Variants in FAM135A observed in about 807,000 individuals in gnomAD.
FAM135A encodes family with sequence similarity 135 member A, also known as protein FAM135A.
FAM135A carries 79 observed loss-of-function variants against 146.8 expected under a neutral mutation model. That is an observed-to-expected ratio of 0.54 (90% confidence interval 0.45 to 0.65). The LOEUF is 0.65. FAM135A is among the 30% of genes least tolerant of loss of function. The pLI, the probability that FAM135A is intolerant of heterozygous loss-of-function variation, is 0.00. For missense variants in FAM135A, 1,623 were observed against 1,758.2 expected, an observed-to-expected ratio of 0.92 and a Z score of 1.38; for synonymous variants, 562 against 603.6, an observed-to-expected ratio of 0.93 and a Z score of 1.01.
chr6:70,554,636 T>G (rs1800477979), intron 20 of FAM135A, among the ~76,000 whole-genome samples: 1 of 152,006 alleles, frequency 6.6e-6, no homozygotes, highest in South Asian at 2.1e-4. Flanking sequence ...TTTTTTTGGT[T>G]TTTGTTTTTT....
At position 70,526,076 on chromosome 6, in the gene FAM135A, AAAAAT is replaced by A; in HGVS notation, c.2994_2998del (p.Asn999Ter). The A allele has an allele frequency of 6.2e-7, 1 of 1,612,772 alleles. No individual in the cohort carries two copies. The highest frequency in any genetic ancestry group is 1.7e-4 in the Middle Eastern group (1 of 6,054). On this transcript the variant is annotated frameshift_variant, in exon 15 of 22. Transcript: ENST00000418814. LOFTEE classifies it high-confidence loss of function. ...TGTTAGTGAAGATAGAACTATGAAA[AAAAAT>A]AGTGATGTATTAAATCTCACACAGA...
intron 2 of FAM135A, among the ~76,000 whole-genome samples, chr6:70,421,105 C>T (rs1235812158): frequency 6.6e-6 from 1 of 152,050 alleles, no homozygotes; most frequent in African/African-American, 2.4e-5. Context: ...TGGTCTCGAA[C>T]TCCTGAGAGC....
rs778815353 is a variant in FAM135A, at chr6:70,533,143, C to T, written c.3776-17C>T. 6.3e-7 allele frequency: 1 copy of T among 1,592,460 alleles called. No individual in the cohort carries two copies. Among genetic ancestry groups the T allele is most frequent in the Non-Finnish European group, 8.6e-7 (1 of 1,161,280 alleles). ...TTACTTTATCTCATCCTTTAAACAT[C>T]ATTTTTCATTTTTTAGGAAACAGTG... On this transcript the variant is annotated splice_polypyrimidine_tract_variant and intron_variant, in intron 16 of 21. Coordinates refer to ENST00000418814, the MANE Select transcript of FAM135A (RefSeq NM_001162529.3).
chr6:70,448,574 C>A (rs1262958469), intron 4 of FAM135A, among the ~76,000 whole-genome samples: 1 of 152,104 alleles, frequency 6.6e-6, no homozygotes, highest in Non-Finnish European at 1.5e-5. Context: ...TCAGTGCTAA[C>A]CCAGTGGTGC....
chr6:70,450,473 T>C (rs907092975), intron 4 of FAM135A, among the ~76,000 whole-genome samples: 6 of 152,044 alleles, frequency 3.9e-5, no homozygotes, highest in Non-Finnish European at 8.8e-5. Flanking sequence ...CTAATTTCAG[T>C]CTTCTGCCTG....
intron 13 of FAM135A, 21 bp from the exon 14 acceptor site, chr6:70,523,946 G>C (rs1794160411): frequency 6.3e-7 from 1 of 1,591,092 alleles, no homozygotes. Context: ...ATTACAATCT[G>C]ACTGAAGAAA....
chr6:70,428,657 G>A (rs543797897), intron 4 of FAM135A, among the ~76,000 whole-genome samples: 7 of 151,968 alleles, frequency 4.6e-5, no homozygotes, highest in Non-Finnish European at 1.0e-4. Context: ...AGCCTTGAGA[G>A]GACTTTACTG....
intron 16 of FAM135A, among the ~76,000 whole-genome samples, chr6:70,532,089 G>T (rs1014905855): frequency 2.6e-5 from 4 of 151,388 alleles, no homozygotes; most frequent in African/African-American, 9.7e-5. Context: ...TGTTAGCCAG[G>T]CTGGTCTTGA....
intron 16 of FAM135A, 151 bp downstream of exon 16, chr6:70,528,603 T>G: frequency 1.6e-6 from 1 of 645,064 alleles, no homozygotes; most frequent in Non-Finnish European, 2.3e-6. Flanking sequence ...AACAGAAATA[T>G]GCTTAATTTT....
chr6:70,514,161 G>T (rs912274928), intron 12 of FAM135A, among the ~76,000 whole-genome samples: 3 of 151,570 alleles, frequency 2.0e-5, no homozygotes, highest in Non-Finnish European at 4.4e-5. Context: ...TATATCATTT[G>T]ATACTCTTGT....
intron 12 of FAM135A, among the ~76,000 whole-genome samples, chr6:70,511,470 C>T (rs1790994949): frequency 6.6e-6 from 1 of 151,786 alleles, no homozygotes; most frequent in African/African-American, 2.4e-5. Flanking sequence ...TGGAAAAAAT[C>T]CACATGGTAA....
At position 70,442,166 on chromosome 6, in the gene FAM135A, T is replaced by C. The variant is rs529216223; in HGVS notation, c.78-10326T>C. Among the ~76,000 whole-genome samples the C allele has an allele frequency of 4.3e-4, 66 of 152,046 alleles. No homozygotes were observed. The South Asian group carries it at 0.012, about 29-fold the overall frequency. The stretch of plus-strand genomic sequence containing the variant: ...CTTTATGTATGTGTGTGGACATTTC[T>C]ATATAGAATAGTTTCAAAATAATAC... On this transcript the variant is annotated intron_variant, in intron 4 of 21. Coordinates refer to ENST00000418814, the MANE Select transcript of FAM135A (RefSeq NM_001162529.3).
At chr6:70,427,332 G>T (rs1244797238) in intron 3 of FAM135A, among the ~76,000 whole-genome samples, 1 of 152,118 alleles carries the variant, frequency 6.6e-6, no homozygotes, top group Non-Finnish European at 1.5e-5. Context: ...AGGAGTTCAA[G>T]ACCAGCCTGG....
chr6:70,476,101 T>A (rs1471765098), intron 7 of FAM135A, among the ~76,000 whole-genome samples: 1 of 152,192 alleles, frequency 6.6e-6, no homozygotes, highest in African/African-American at 2.4e-5. Context: ...GGTAGGACTT[T>A]GTTGATATTC....
intron 10 of FAM135A, chr6:70,486,026 A>AT (rs112426094): frequency 2.2e-5 from 12 of 551,624 alleles, no homozygotes; most frequent in African/African-American, 1.7e-4. Flanking sequence ...AATGTACATC[A>AT]TTTGTAATTT....
At chr6:70,514,090 A>G (rs1340575424) in intron 12 of FAM135A, among the ~76,000 whole-genome samples, 3 of 151,894 alleles carry the variant, frequency 2.0e-5, no homozygotes, top group Non-Finnish European at 4.4e-5. Context: ...ATCTTCAGAT[A>G]TATTTTCTGC....
In FAM135A at chr6:70,556,301, G is replaced by A. The variant is rs1159621091; in HGVS notation, c.4229-449G>A. On this transcript the variant is annotated intron_variant, in intron 20 of 21. Coordinates refer to ENST00000418814, the MANE Select transcript of FAM135A (RefSeq NM_001162529.3). ...AGAAAATATAAATCATATTAAGCAA[G>A]TGTTAAAAATGAAAAGAAAGTAAAA... Among the ~76,000 whole-genome samples the A allele has an allele frequency of 2.6e-5, 4 of 152,148 alleles. No homozygotes were observed. The East Asian group carries it at 7.7e-4, about 29-fold the overall frequency.
intron 11 of FAM135A, among the ~76,000 whole-genome samples, chr6:70,501,882 C>T (rs1331239660): frequency 6.6e-6 from 1 of 152,216 alleles, no homozygotes; most frequent in East Asian, 1.9e-4. Flanking sequence ...TCACTGGGAG[C>T]TGCAGACCAG....
Position 70,428,880 on chromosome 6 carries a change from C to T in FAM135A, c.77+461C>T, listed in dbSNP as rs200642126. ...CATGTTATAATTTAACAGTCACCCACTGTTGGGTATTTCATTTGTTTTCAT... is the reference window on the plus strand; with the variant it reads ...CATGTTATAATTTAACAGTCACCCATTGTTGGGTATTTCATTTGTTTTCAT... On this transcript the variant is annotated intron_variant, in intron 4 of 21. Coordinates refer to ENST00000418814, the MANE Select transcript of FAM135A (RefSeq NM_001162529.3). Among the ~76,000 whole-genome samples the T allele has an allele frequency of 5.3e-5, 8 of 152,280 alleles. No homozygotes were observed. The East Asian group carries it at 1.5e-3, about 29-fold the overall frequency.
Sources: gnomAD v4.1 joint callset for allele counts (sites outside exome capture counted in the v4.1 genomes callset) on GRCh38, gnomAD v4.1.1 for gene constraint, MANE v1.5 for transcripts, NCBI Gene and HGNC (gene_info 2026-07-23, HGNC 2026-07-21) for gene names.